Variants in AGRN observed in about 807,000 individuals in gnomAD.
The protein encoded by AGRN is agrin proteoglycan.
Under a neutral mutation model 211.0 loss-of-function variants are expected in AGRN, and 106 were observed. That is an observed-to-expected ratio of 0.50 (90% CI 0.43 to 0.59). The LOEUF is 0.59. Among genes scored for constraint, AGRN ranks in the 20% least tolerant of loss-of-function variants. The pLI is 0.00. For missense variants in AGRN, 3,040 were observed against 2,982.6 expected (o/e 1.02, Z -0.45); for synonymous variants, 1,525 against 1,332.5 (o/e 1.14, Z -3.15).
At chr1:1,047,513 C>A in intron 20 of AGRN, 59 bp downstream of exon 20, 1 of 1,612,866 alleles carries the variant, frequency 6.2e-7, no homozygotes, top group Non-Finnish European at 8.5e-7. Flanking sequence ...ATACCCAGAG[C>A]AGCACCAGGG....
In AGRN at chr1:1,041,168, C is replaced by A; in HGVS notation, c.728-5C>A. ...CCCGTCTGACCGGCAAAGCCCCGCC[C>A]GCAGGCTCGCGGGACCCCTGCTCCA... On this transcript the variant is annotated splice_region_variant and splice_polypyrimidine_tract_variant and intron_variant, in intron 4 of 35. Coordinates refer to ENST00000379370, the MANE Select transcript of AGRN (RefSeq NM_198576.4). 1 of 1,400,614 alleles carries A rather than the reference C, an allele frequency of 7.1e-7. No homozygotes were observed. The highest frequency in any genetic ancestry group is 9.3e-7 in the Non-Finnish European group (1 of 1,080,258). 86.8% of individuals were successfully genotyped at this position (1,400,614 alleles called of 1,614,324 possible).
Position 1,042,124 on chromosome 1 carries a change from AGCAGCGTGCCATC to A in AGRN, c.1347_1359del (p.Gln449HisfsTer29). 6.2e-7 allele frequency: 1 copy of A among 1,600,702 alleles called. No individual in the cohort carries two copies. ...TGGCGGCAGCAGGCTGAGTGCCGGCAGCAGCGTGCCATCCCCAGCAAGCACCAGGGCCCGTGTG... is the reference window on the plus strand; with the variant it reads ...TGGCGGCAGCAGGCTGAGTGCCGGCACCCAGCAAGCACCAGGGCCCGTGTG... On this transcript the variant is annotated frameshift_variant, in exon 7 of 36. Transcript: ENST00000379370. LOFTEE classifies it high-confidence loss of function.
chr1:1,030,398 G>A (rs1345754720), intron 2 of AGRN, among the ~76,000 whole-genome samples: 2 of 97,500 alleles, frequency 2.1e-5, no homozygotes, highest in African/African-American at 3.7e-5. Flanking sequence ...TGTGTGCAGT[G>A]CATGGTGCTG....
In AGRN at chr1:1,020,352, G is replaced by A; in HGVS notation, c.180G>A (p.Val60=). The part of the protein sequence containing the change: ...TVEEILNVDP[V]QHTYSCKVRV... ...AGGAGATCCTCAACGTGGACCCGGT[G>A]CAGCACACGTACTCCTGCAAGGTGC... Residue 60 remains valine, a synonymous_variant, in exon 1 of 36, where the codon GTG becomes GTA. Coordinates refer to ENST00000379370, the MANE Select transcript of AGRN (RefSeq NM_198576.4). 1 of 1,496,836 alleles carries A rather than the reference G, an allele frequency of 6.7e-7. No homozygotes were observed. The highest frequency in any genetic ancestry group is 8.9e-7 in the Non-Finnish European group (1 of 1,121,822). The allele number at this position is 1,496,836 out of a possible 1,614,324, so 92.7% of individuals were successfully genotyped here.
chr1:1,020,873 A>G (rs1570127029), intron 1 of AGRN, among the ~76,000 whole-genome samples: 120 of 101,972 alleles, frequency 1.2e-3, no homozygotes, highest in Admixed American at 1.7e-3. Context: ...AGGAGCAGAG[A>G]GGTGGGCGGG....
At chr1:1,029,966 CTG>C (rs201642985) in intron 2 of AGRN, among the ~76,000 whole-genome samples, 5 of 33,746 alleles carry the variant, frequency 1.5e-4, no homozygotes, top group Non-Finnish European at 3.4e-4. Flanking sequence ...GCGCATGGTG[CTG>C]TGTGAGATCA....
At chr1:1,035,164 AGCGGTGGGGGGGGG>A in intron 2 of AGRN, 99 bp from the exon 3 acceptor site, 2 of 942,802 alleles carry the variant, frequency 2.1e-6, no homozygotes, top group Non-Finnish European at 3.0e-6. Context: ...CCCTGGGGCT[AGCGGTGGGGGGGGG>A]GGGGTGGGCA....
Position 1,047,738 on chromosome 1 carries a change from C to T in AGRN, c.3632-38C>T, listed in dbSNP as rs561421935. 5.6e-6 allele frequency: 9 copies of T among 1,611,964 alleles called. No homozygotes were observed. In the African/African-American group the frequency reaches 8.0e-5, roughly 14 times the overall value. On this transcript the variant is annotated intron_variant, in intron 21 of 35. Transcript: ENST00000379370. ...CTGGGAGGCAATGGGTGGGGGATGCCTGGGGCTCTGCCATGCTCAGAGCTC... is the reference window on the plus strand; with the variant it reads ...CTGGGAGGCAATGGGTGGGGGATGCTTGGGGCTCTGCCATGCTCAGAGCTC...
At position 1,048,157 on chromosome 1, in the gene AGRN, C is replaced by T; in HGVS notation, c.3897C>T (p.Ala1299=). Residue 1299 remains alanine, a synonymous_variant, in exon 23 of 36, where the codon GCC becomes GCT. Coordinates refer to ENST00000379370, the MANE Select transcript of AGRN (RefSeq NM_198576.4). This position sits in a 1 kb window ranked among gnomAD's most constrained non-coding sequence, Gnocchi z 5.9. ...CCAGTCACACAAGCCAGCCCGTTGC[C>T]AAGACCACGGCAGCCCCCACCACAC... The part of the protein sequence containing the change: ...PHPSHTSQPV[A]KTTAAPTTRR... 1 of 1,580,768 alleles carries T rather than the reference C, an allele frequency of 6.3e-7. No individual in the cohort carries two copies.
chr1:1,051,185 A>G, intron 30 of AGRN, 68 bp from the exon 31 acceptor site: 1 of 1,531,376 alleles, frequency 6.5e-7, no homozygotes, highest in Non-Finnish European at 8.8e-7. Flanking sequence ...GGGTGCGTGC[A>G]GGTGCCTGGG....
chr1:1,025,886 C>G (rs1401995115), intron 2 of AGRN, among the ~76,000 whole-genome samples: 1 of 152,138 alleles, frequency 6.6e-6, no homozygotes, highest in African/African-American at 2.4e-5. Context: ...ATCCCAACCC[C>G]GGGGCTCCTG....
chr1:1,054,756 C>G (rs1431115424), intron 35 of AGRN, 68 bp from the exon 36 acceptor site: 7 of 1,531,568 alleles, frequency 4.6e-6, no homozygotes, highest in Non-Finnish European at 5.3e-6. Context: ...TGCTGGTCAC[C>G]TGCTCGTTGG....
In AGRN at chr1:1,051,244, TC is replaced by T; in HGVS notation, c.5254-5del. 6.3e-7 allele frequency: 1 copy of T among 1,580,350 alleles called. No individual in the cohort carries two copies. Among genetic ancestry groups the T allele is most frequent in the African/African-American group, 1.3e-5 (1 of 74,324 alleles). On this transcript the variant is annotated splice_region_variant and splice_polypyrimidine_tract_variant and intron_variant, in intron 30 of 35. Coordinates refer to ENST00000379370, the MANE Select transcript of AGRN (RefSeq NM_198576.4). ...GCTCTGCACAGCCACTTACCTGGCG[TC>T]CCCGCAGGTTCCGCACACCGTCCTC...
rs1348816732 is a variant in AGRN, at chr1:1,054,488, CCT to C, written c.5918_5919del (p.Pro1973ArgfsTer15). 1 of 1,602,406 alleles carries C rather than the reference CCT, an allele frequency of 6.2e-7. No homozygotes were observed. Among genetic ancestry groups the C allele is most frequent in the Non-Finnish European group, 8.5e-7 (1 of 1,175,324 alleles). On this transcript the variant is annotated frameshift_variant, in exon 35 of 36. Transcript: ENST00000379370. LOFTEE classifies it high-confidence loss of function. ...TTCCCTGCAGGTGGGCAATGAGGCC[CCT>C]GTGACCGGCTCCTCCCCGCTGGGCG... is the stretch of plus-strand genomic sequence containing the variant. ...EGSLQVGNEA[P>X]VTGSSPLGAT... is the part of the protein sequence containing the mutation.
chr1:1,051,612 C>T lies in AGRN; in HGVS notation c.5530C>T (p.Pro1844Ser). ...PREAAYVCLC[P>S]GGFSGPHCEK... Reference sequence around the variant, plus strand: ...GGAGGCTGCCTATGTGTGCCTGTGTCCCGGGGGATTCTCAGGACCGCACTG... The same window carrying T: ...GGAGGCTGCCTATGTGTGCCTGTGTTCCGGGGGATTCTCAGGACCGCACTG... Residue 1844 changes from proline to serine, a missense_variant, in exon 32 of 36, where the codon CCC becomes TCC. Coordinates refer to ENST00000379370, the MANE Select transcript of AGRN (RefSeq NM_198576.4). 1 of 1,609,724 alleles carries T rather than the reference C, an allele frequency of 6.2e-7. No individual in the cohort carries two copies. The highest frequency in any genetic ancestry group is 1.1e-5 in the South Asian group (1 of 90,848).
chr1:1,047,491 C>T (rs1339472616), intron 20 of AGRN, 37 bp downstream of exon 20: 3 of 1,612,808 alleles, frequency 1.9e-6, no homozygotes, highest in Non-Finnish European at 2.5e-6. Context: ...ACCCACTGGC[C>T]TTCCTCCCCA....
chr1:1,032,041 C>T lies in AGRN; in HGVS notation c.464-3236C>T, dbSNP rs1287807941. Among the ~76,000 whole-genome samples, 1 of 152,224 alleles carries T rather than the reference C, an allele frequency of 6.6e-6. No individual in the cohort carries two copies. The highest frequency in any genetic ancestry group is 2.4e-5 in the African/African-American group (1 of 41,454). ...CCGGGGCACCCACAGTCAGCACCGC[C>T]GGAACACTGTCAGCCTGGTGTGGAC... On this transcript the variant is annotated intron_variant, in intron 2 of 35. Coordinates refer to ENST00000379370, the MANE Select transcript of AGRN (RefSeq NM_198576.4). This position sits in a 1 kb window ranked among gnomAD's most constrained non-coding sequence, Gnocchi z 4.7.
At position 1,044,446 on chromosome 1, in the gene AGRN, C is replaced by T. The variant is rs780834637; in HGVS notation, c.2254+7C>T. The T allele has an allele frequency of 3.2e-5, 52 of 1,602,296 alleles. No individual in the cohort carries two copies. The highest frequency in any genetic ancestry group is 1.3e-4 in the African/African-American group (10 of 74,592). ...GCCCAGGGAGCCTGCCGAGGTGAGC[C>T]GGCTGCACGTGGGGTCTCAGGCACA... On this transcript the variant is annotated splice_region_variant and intron_variant, in intron 12 of 35. Coordinates refer to ENST00000379370, the MANE Select transcript of AGRN (RefSeq NM_198576.4).
intron 2 of AGRN, among the ~76,000 whole-genome samples, chr1:1,029,710 A>AGCG (rs74202261): frequency 1.8e-5 from 1 of 55,504 alleles, no homozygotes; most frequent in Non-Finnish European, 3.7e-5. Flanking sequence ...CTGTGAGATC[A>AGCG]TGTGTGTGTG....
Sources: gnomAD v4.1 joint callset for allele counts (sites outside exome capture counted in the v4.1 genomes callset) on GRCh38, gnomAD v4.1.1 for gene constraint, Gnocchi (gnomAD v3.1) non-coding constraint, MANE v1.5 for transcripts, NCBI Gene and HGNC (gene_info 2026-07-23, HGNC 2026-07-21) for gene names.